The following CAP2 variants were observed in gnomAD, a reference collection of about 807,000 sequenced individuals.
CAP2 encodes the protein cyclase associated actin cytoskeleton regulatory protein 2, also known as adenylyl cyclase-associated protein 2.
A neutral mutation model predicts 57.7 loss-of-function variants in CAP2; 24 were observed. The observed-to-expected ratio is 0.42, with a 90% confidence interval of 0.30 to 0.58. The LOEUF (loss-of-function observed/expected upper bound fraction) is 0.58. Among genes scored for constraint, CAP2 ranks in the 20% least tolerant of loss-of-function variants. The probability of loss-of-function intolerance (pLI) is 0.22; values close to 1 mark genes in which losing one functional copy is unlikely to be tolerated. For missense variants in CAP2, 501 were observed against 590.3 expected (o/e 0.85, Z 1.57); for synonymous variants, 194 against 207.2 (o/e 0.94, Z 0.55).
rs768583057 is a variant in CAP2, at chr6:17,513,101, T to A, written c.531-748T>A. On this transcript the variant is annotated intron_variant, in intron 6 of 12. Transcript: ENST00000229922. The surrounding 1 kb of genome is among the most constrained non-coding windows in gnomAD (Gnocchi z 4.3). Reference sequence around the variant, plus strand: ...AAATGCAACTATTTTTACCTATCTATAAGTTTAATATTTCTAACAATTCTT... The same window carrying A: ...AAATGCAACTATTTTTACCTATCTAAAAGTTTAATATTTCTAACAATTCTT... 1.3e-5 allele frequency among the ~76,000 whole-genome samples: 2 copies of A among 152,228 alleles called. No individual in the cohort carries two copies. The highest frequency in any genetic ancestry group is 2.9e-5 in the Non-Finnish European group (2 of 68,046).
chr6:17,544,544 C>CTT (rs11411180), intron 11 of CAP2, among the ~76,000 whole-genome samples: 49 of 147,230 alleles, frequency 3.3e-4, no homozygotes, highest in South Asian at 8.6e-4. Flanking sequence ...TAACTTCTAT[C>CTT]TTTTTTTTTT....
chr6:17,399,356 CCCGG>C (rs1437614461), intron 1 of CAP2, among the ~76,000 whole-genome samples: 1 of 152,230 alleles, frequency 6.6e-6, no homozygotes, highest in Non-Finnish European at 1.5e-5. Flanking sequence ...AGCCACCACG[CCCGG>C]CCTACATGAG....
chr6:17,547,634 G>T (rs1445652498), intron 11 of CAP2, among the ~76,000 whole-genome samples: 1 of 152,088 alleles, frequency 6.6e-6, no homozygotes, highest in African/African-American at 2.4e-5. Flanking sequence ...GAGGTCCGGA[G>T]ATTGAGACCA....
rs116656320 is a variant in CAP2, at chr6:17,423,845, A to G, written c.121+2169A>G. Among the ~76,000 whole-genome samples the G allele has an allele frequency of 8.7e-3, 1,318 of 152,292 alleles. 18 individuals are homozygous for G. Among genetic ancestry groups the G allele is most frequent in the African/African-American group, 0.029 (1,222 of 41,560 alleles). Reference sequence around the variant, plus strand: ...TTTATTAAAGCAAAGCTCTTCTAAAACAACTTAGCCCGTAATTTACTATCC... The same window carrying G: ...TTTATTAAAGCAAAGCTCTTCTAAAGCAACTTAGCCCGTAATTTACTATCC... On this transcript the variant is annotated intron_variant, in intron 2 of 12. Coordinates refer to ENST00000229922, the MANE Select transcript of CAP2 (RefSeq NM_006366.3).
At chr6:17,417,536 A>C (rs1759316191) in intron 1 of CAP2, among the ~76,000 whole-genome samples, 1 of 152,080 alleles carries the variant, frequency 6.6e-6, no homozygotes, top group South Asian at 2.1e-4. Context: ...CTGCCTCCCA[A>C]AGTGCTAGGA....
intron 8 of CAP2, 38 bp from the exon 9 acceptor site, chr6:17,540,935 G>A: frequency 6.4e-7 from 1 of 1,564,474 alleles, no homozygotes; most frequent in South Asian, 1.2e-5. Context: ...ATTTCCCTTT[G>A]CATAAAATAA....
intron 11 of CAP2, among the ~76,000 whole-genome samples, chr6:17,549,666 G>C (rs1763126954): frequency 6.6e-6 from 1 of 152,168 alleles, no homozygotes; most frequent in Non-Finnish European, 1.5e-5. Context: ...TCTGCATTCA[G>C]ACTGTCCTTA....
intron 3 of CAP2, among the ~76,000 whole-genome samples, chr6:17,428,229 G>C (rs576572507): frequency 6.6e-6 from 1 of 152,112 alleles, no homozygotes; most frequent in Non-Finnish European, 1.5e-5. Flanking sequence ...AACTTTAAAG[G>C]TACCTAAGCT....
chr6:17,402,806 G>A (rs1289418343), intron 1 of CAP2, among the ~76,000 whole-genome samples: 2 of 152,104 alleles, frequency 1.3e-5, no homozygotes, highest in African/African-American at 4.8e-5. Context: ...ATCTCTACAG[G>A]GTTGTAAAAT....
intron 7 of CAP2, among the ~76,000 whole-genome samples, chr6:17,528,978 G>A (rs1335382598): frequency 2.0e-5 from 3 of 152,124 alleles, no homozygotes; most frequent in African/African-American, 7.2e-5. Flanking sequence ...CACTTTGGGA[G>A]GCCAAGGCAG....
At chr6:17,546,151 T>A (rs1763040719) in intron 11 of CAP2, among the ~76,000 whole-genome samples, 1 of 152,210 alleles carries the variant, frequency 6.6e-6, no homozygotes, top group African/African-American at 2.4e-5. Context: ...TAGTTTACAG[T>A]CCCACCAACA....
intron 3 of CAP2, among the ~76,000 whole-genome samples, chr6:17,454,921 G>A (rs73369487): frequency 0.037 from 5,660 of 151,952 alleles, 372 homozygotes; most frequent in African/African-American, 0.13. Flanking sequence ...CATTCATCCC[G>A]TCACTTAAAA....
At chr6:17,468,457 C>G (rs1760931023) in intron 4 of CAP2, among the ~76,000 whole-genome samples, 1 of 152,232 alleles carries the variant, frequency 6.6e-6, no homozygotes, top group Non-Finnish European at 1.5e-5. Context: ...CTATGCTGTG[C>G]TGTGGTCATC....
At chr6:17,538,857 T>C (rs973627263) in intron 7 of CAP2, among the ~76,000 whole-genome samples, 5 of 152,200 alleles carry the variant, frequency 3.3e-5, no homozygotes, top group Non-Finnish European at 1.5e-5. Context: ...CCACACCCCA[T>C]TGGTGGTCAC....
intron 4 of CAP2, among the ~76,000 whole-genome samples, chr6:17,494,029 G>A (rs1279095757): frequency 1.3e-5 from 2 of 152,100 alleles, no homozygotes; most frequent in Non-Finnish European, 2.9e-5. Context: ...CCCACATCCG[G>A]TCTAAAATCT....
At chr6:17,470,024 A>G (rs1287329922) in intron 4 of CAP2, among the ~76,000 whole-genome samples, 1 of 152,238 alleles carries the variant, frequency 6.6e-6, no homozygotes, top group Non-Finnish European at 1.5e-5. Context: ...TTAATAAAAC[A>G]TATTAATTTG....
At position 17,515,469 on chromosome 6, in the gene CAP2, G is replaced by A. The variant is rs1371220052; in HGVS notation, c.636+1515G>A. Among the ~76,000 whole-genome samples the A allele has an allele frequency of 3.9e-5, 6 of 152,234 alleles. No homozygotes were observed. The South Asian group carries it at 1.0e-3, about 26-fold the overall frequency. Reference sequence around the variant, plus strand: ...TGAGGACTGCTAGAGATAGGATGGAGGGAGGAGTCCAAGGACTGAAAAACT... The same window carrying A: ...TGAGGACTGCTAGAGATAGGATGGAAGGAGGAGTCCAAGGACTGAAAAACT... On this transcript the variant is annotated intron_variant, in intron 7 of 12. Transcript: ENST00000229922.
chr6:17,406,412 T>TC (rs1554119907), intron 1 of CAP2, among the ~76,000 whole-genome samples: 3 of 135,198 alleles, frequency 2.2e-5, no homozygotes, highest in African/African-American at 1.1e-4. Flanking sequence ...TTTTTTTTTT[T>TC]TGAGGCAGTC....
chr6:17,423,096 G>T (rs1759489063), intron 2 of CAP2, among the ~76,000 whole-genome samples: 1 of 152,158 alleles, frequency 6.6e-6, no homozygotes, highest in South Asian at 2.1e-4. Flanking sequence ...AATCCTGTCA[G>T]GTTTTTTTGG....
Sources: allele counts gnomAD v4.1 joint callset (sites outside exome capture counted in the v4.1 genomes callset), GRCh38; gene constraint gnomAD v4.1.1; non-coding constraint Gnocchi (gnomAD v3.1); transcripts MANE v1.5; gene names NCBI Gene and HGNC (gene_info 2026-07-23, HGNC 2026-07-21).